OSTM1: variants seen among roughly 807,000 people sequenced by gnomAD.
The protein encoded by OSTM1 is osteopetrosis-associated transmembrane protein 1.
Under a neutral mutation model 35.4 loss-of-function variants are expected in OSTM1, and 26 were observed. The ratio of observed to expected loss-of-function variants is 0.73; its 90% CI spans 0.54 to 1.02. The LOEUF (loss-of-function observed/expected upper bound fraction) is 1.02. Ranked by LOEUF, OSTM1 falls within the 50% of genes least tolerant of loss-of-function variation. The probability of loss-of-function intolerance (pLI) is 0.00; values close to 1 mark genes in which losing one functional copy is unlikely to be tolerated. For synonymous variants in OSTM1, 181 were observed against 165.0 expected, an observed-to-expected ratio of 1.10 and a Z score of -0.75; for missense variants, 366 against 409.6, an observed-to-expected ratio of 0.89 and a Z score of 0.92.
intron 3 of OSTM1, among the ~76,000 whole-genome samples, chr6:108,053,630 TAA>T (rs1024423918): frequency 2.6e-5 from 4 of 152,190 alleles, no homozygotes; most frequent in Non-Finnish European, 5.9e-5. Context: ...CAAGCCTGGC[TAA>T]GTTTTGTATT....
intron 1 of OSTM1, among the ~76,000 whole-genome samples, chr6:108,072,704 T>C (rs1772506477): frequency 6.6e-6 from 1 of 152,172 alleles, no homozygotes; most frequent in Non-Finnish European, 1.5e-5. Context: ...CAGAATTTAT[T>C]TAATGCAAAT....
At chr6:108,052,638 C>T (rs1009780953) in intron 3 of OSTM1, among the ~76,000 whole-genome samples, 1 of 151,518 alleles carries the variant, frequency 6.6e-6, no homozygotes, top group Admixed American at 6.6e-5. Flanking sequence ...CAGGTGCCAC[C>T]ATACCTGGCC....
At position 108,054,512 on chromosome 6, in the gene OSTM1, G is replaced by A. The variant is rs775833670; in HGVS notation, c.593C>T (p.Thr198Ile). ...TACCTGAAGGTTATGTTCAAAGCAG[G>A]TCAGGGTGTGATTAAATAGATTAAG... ...YFLNLFNHTL[T>I]CFEHNLQGNA... Residue 198 changes from threonine to isoleucine, a missense_variant, in exon 3 of 6, where the codon ACC becomes ATC. By Grantham distance (89) the Thr-to-Ile change is moderately conservative. Coordinates refer to ENST00000193322, the MANE Select transcript of OSTM1 (RefSeq NM_014028.4). The A allele has an allele frequency of 9.2e-6, 14 of 1,523,286 alleles. No individual in the cohort carries two copies. The East Asian group carries it at 2.9e-4, about 32-fold the overall frequency. The allele number at this position is 1,523,286 out of a possible 1,614,324, so 94.4% of individuals were successfully genotyped here.
At chr6:108,065,434 C>T (rs1299895759) in intron 1 of OSTM1, among the ~76,000 whole-genome samples, 1 of 151,608 alleles carries the variant, frequency 6.6e-6, no homozygotes, top group Admixed American at 6.6e-5. Context: ...GACGGGGTTT[C>T]ACCATGTTGG....
chr6:108,069,842 T>C (rs111499345), intron 1 of OSTM1, among the ~76,000 whole-genome samples: 12 of 152,200 alleles, frequency 7.9e-5, no homozygotes, highest in African/African-American at 2.9e-4. Flanking sequence ...AATTCTATTA[T>C]AGTTAAACTA....
At chr6:108,066,947 C>T (rs922958950) in intron 1 of OSTM1, among the ~76,000 whole-genome samples, 3 of 152,160 alleles carry the variant, frequency 2.0e-5, no homozygotes, top group Non-Finnish European at 2.9e-5. Context: ...ACTCTTAATA[C>T]TCAAATCTAT....
At position 108,074,302 on chromosome 6, in the gene OSTM1, G is replaced by C. The variant is rs1388570369; in HGVS notation, c.350C>G (p.Pro117Arg). 1 of 1,612,302 alleles carries C rather than the reference G, an allele frequency of 6.2e-7. No individual in the cohort carries two copies. Among genetic ancestry groups the C allele is most frequent in the Non-Finnish European group, 8.5e-7 (1 of 1,179,952 alleles). The change falls in exon 1 of 6, where the codon CCC becomes CGC. Residue 117 changes from proline to arginine, a missense_variant. By Grantham distance (103) the Pro-to-Arg change is moderately radical (BLOSUM62 -2). This residue lies in a region of OSTM1 where 236 missense variants were observed against 239.3 expected (regional missense o/e 0.99). Transcript: ENST00000193322. ...RPVRLCQTCY[P>R]LFQQVVSKMD... ...CTTGCTGACGACCTGTTGGAAGAGG[G>C]GGTAGCAGGTCTGACAGAGGCGCAC...
chr6:108,067,213 T>C (rs1266966399), intron 1 of OSTM1, among the ~76,000 whole-genome samples: 1 of 152,206 alleles, frequency 6.6e-6, no homozygotes, highest in Admixed American at 6.5e-5. Flanking sequence ...AAAGAAGATC[T>C]AGCCTCCTGG....
intron 2 of OSTM1, chr6:108,060,885 T>G (rs1439203657): frequency 1.3e-5 from 2 of 152,198 alleles, no homozygotes; most frequent in Non-Finnish European, 2.9e-5. Flanking sequence ...GAACTCCTTG[T>G]TCTACTCTTT....
chr6:108,051,402 T>C (rs1772071293), intron 3 of OSTM1, among the ~76,000 whole-genome samples: 1 of 152,182 alleles, frequency 6.6e-6, no homozygotes. Context: ...GTATTATAAG[T>C]CCGAAGGATT....
chr6:108,054,034 A>G (rs73504449), intron 3 of OSTM1, among the ~76,000 whole-genome samples: 6,510 of 152,314 alleles, frequency 0.043, 458 homozygotes, highest in African/African-American at 0.15. Flanking sequence ...TTTTATTATC[A>G]TAATTCAATA....
At chr6:108,071,604 C>T (rs1053410562) in intron 1 of OSTM1, among the ~76,000 whole-genome samples, 2 of 151,658 alleles carry the variant, frequency 1.3e-5, no homozygotes, top group Non-Finnish European at 2.9e-5. Flanking sequence ...CGAGCCACCA[C>T]ACCTGGCCTC....
intron 1 of OSTM1, among the ~76,000 whole-genome samples, chr6:108,070,570 ACTGAGT>A (rs902888755): frequency 1.3e-5 from 2 of 152,194 alleles, no homozygotes; most frequent in South Asian, 2.1e-4. Flanking sequence ...TCAATAAAAG[ACTGAGT>A]CTGAGTCAAA....
At chr6:108,066,977 C>A (rs1030631698) in intron 1 of OSTM1, among the ~76,000 whole-genome samples, 1 of 152,138 alleles carries the variant, frequency 6.6e-6, no homozygotes, top group Non-Finnish European at 1.5e-5. Flanking sequence ...TTAGCAGAAC[C>A]CTAACCATCT....
chr6:108,048,442 T>C (rs1265393459), intron 5 of OSTM1, among the ~76,000 whole-genome samples: 1 of 152,212 alleles, frequency 6.6e-6, no homozygotes, highest in Non-Finnish European at 1.5e-5. Flanking sequence ...GCCTATTTCA[T>C]AGGGAGAAAG....
chr6:108,055,394 G>T (rs1431399103), intron 2 of OSTM1, among the ~76,000 whole-genome samples: 1 of 151,832 alleles, frequency 6.6e-6, no homozygotes, highest in Admixed American at 6.6e-5. Context: ...CCAGCTCATT[G>T]CAGACTTGAA....
rs750653995 is a variant in OSTM1 at position 108,074,606 on chromosome 6, G to A, written c.46C>T (p.Pro16Ser). The A allele has an allele frequency of 3.8e-6, 6 of 1,565,766 alleles. No individual in the cohort carries two copies. In the East Asian group the frequency reaches 9.4e-5, roughly 24 times the overall value. The change falls in exon 1 of 6, where the codon CCG becomes TCG. Residue 16 changes from proline to serine, a missense_variant. By Grantham distance (74) the Pro-to-Ser change is moderately conservative. Transcript: ENST00000193322. The stretch of plus-strand genomic sequence containing the variant: ...AGCAGCAGCCCCAGCGGCAGCCACG[G>A]CGGCAACGAACACCTCCGCTGCGCG... ...TAAQRRCSLP[P>S]WLPLGLLLWS...
At chr6:108,069,773 C>T (rs368185522) in intron 1 of OSTM1, among the ~76,000 whole-genome samples, 2 of 152,140 alleles carry the variant, frequency 1.3e-5, no homozygotes, top group Admixed American at 1.3e-4. Flanking sequence ...AAACTATATG[C>T]GATCCCTCTC....
At position 108,054,494 on chromosome 6, in the gene OSTM1, A is replaced by C; in HGVS notation, c.611T>G (p.Leu204Arg). 1 of 1,406,872 alleles carries C rather than the reference A, an allele frequency of 7.1e-7. No individual in the cohort carries two copies. Among genetic ancestry groups the C allele is most frequent in the South Asian group, 1.2e-5 (1 of 83,950 alleles). The allele number at this position is 1,406,872 out of a possible 1,614,324, so 87.1% of individuals were successfully genotyped here. A position where few individuals can be genotyped will look rare whatever the true frequency, so the allele number is the denominator to read the frequency against. ...NHTLTCFEHN[L>R]QGNAHSLLQT... Reference sequence around the variant, plus strand: ...TAAATATTATATATAAAATACCTGAAGGTTATGTTCAAAGCAGGTCAGGGT... The same window carrying C: ...TAAATATTATATATAAAATACCTGACGGTTATGTTCAAAGCAGGTCAGGGT... Residue 204 changes from leucine to arginine, a missense_variant, in exon 3 of 6, where the codon CTT becomes CGT. By Grantham distance (102) the Leu-to-Arg change is moderately radical. This residue lies in a region of OSTM1 where 5 missense variants were observed against 18.5 expected (regional missense o/e 0.27). Coordinates refer to ENST00000193322, the MANE Select transcript of OSTM1 (RefSeq NM_014028.4).
Sources: allele counts gnomAD v4.1 joint callset (sites outside exome capture counted in the v4.1 genomes callset), GRCh38; gene constraint gnomAD v4.1.1; regional missense constraint gnomAD v4.1.1; transcripts MANE v1.5; gene names NCBI Gene and HGNC (gene_info 2026-07-23, HGNC 2026-07-21).